Variants in KCNJ3 observed in about 807,000 individuals in gnomAD.
KCNJ3 encodes G protein-activated inward rectifier potassium channel 1.
In KCNJ3, 4 loss-of-function variants were observed where a neutral mutation model predicts 39.2. That is an observed-to-expected ratio of 0.10 (90% confidence interval 0.05 to 0.23). KCNJ3 has a LOEUF of 0.23. KCNJ3 is among the 10% of genes least tolerant of loss of function. The probability of loss-of-function intolerance (pLI) is 1.00; values close to 1 mark genes in which losing one functional copy is unlikely to be tolerated. For missense variants in KCNJ3, 276 were observed against 634.9 expected (o/e 0.43, Z 6.08); for synonymous variants, 230 against 237.4 (o/e 0.97, Z 0.29).
chr2:154,699,560 C>A lies in KCNJ3; in HGVS notation c.702+83C>A. On this transcript the variant is annotated intron_variant, in intron 1 of 2. Coordinates refer to ENST00000295101, the MANE Select transcript of KCNJ3 (RefSeq NM_002239.4). The surrounding 1 kb of genome is among the most constrained non-coding windows in gnomAD (Gnocchi z 6.4). ...TAACTCGTCTGAGAACCAGCCCGGG[C>A]CCCCTCCCCTGGTTCTACCTATAGC... is the stretch of plus-strand genomic sequence containing the variant. The A allele has an allele frequency of 7.4e-6, 11 of 1,479,970 alleles. 1 individual carries two copies. Among genetic ancestry groups the A allele is most frequent in the Non-Finnish European group, 9.8e-6 (11 of 1,116,898 alleles). The allele number at this position is 1,479,970 out of a possible 1,614,324, so 91.7% of individuals were successfully genotyped here. A position where few individuals can be genotyped will look rare whatever the true frequency, so the allele number is the denominator to read the frequency against.
chr2:154,809,834 A>G (rs954021082), intron 2 of KCNJ3, among the ~76,000 whole-genome samples: 1 of 152,124 alleles, frequency 6.6e-6, no homozygotes, highest in African/African-American at 2.4e-5. Flanking sequence ...ATTATAAAGA[A>G]ATAACATTGT....
chr2:154,787,473 A>G (rs1221561908), intron 2 of KCNJ3, among the ~76,000 whole-genome samples: 2 of 152,152 alleles, frequency 1.3e-5, no homozygotes, highest in Non-Finnish European at 2.9e-5. Context: ...CCACCACTAC[A>G]GCAATCATCA....
rs1558848901 is a variant in KCNJ3, at chr2:154,698,756, C to T, written c.-20C>T. ...CTGCGCCTTCGCTTCGCGTTTGAAT[C>T]TGGCTCGCCCCTTCGTATTATGTCT... is the stretch of plus-strand genomic sequence containing the variant. On this transcript the variant is annotated 5_prime_UTR_variant, in exon 1 of 3. Transcript: ENST00000295101. 7.2e-7 allele frequency: 1 copy of T among 1,392,104 alleles called. No individual in the cohort carries two copies. Among genetic ancestry groups the T allele is most frequent in the Admixed American group, 1.9e-5 (1 of 51,570 alleles). The allele number at this position is 1,392,104 out of a possible 1,614,324, so 86.2% of individuals were successfully genotyped here.
intron 2 of KCNJ3, among the ~76,000 whole-genome samples, chr2:154,823,044 G>T (rs186333100): frequency 4.6e-5 from 7 of 151,686 alleles, no homozygotes; most frequent in Non-Finnish European, 1.0e-4. Context: ...TAACATGAAG[G>T]ATATTCTTTT....
chr2:154,835,931 C>T (rs1316124188), intron 2 of KCNJ3, among the ~76,000 whole-genome samples: 1 of 152,134 alleles, frequency 6.6e-6, no homozygotes, highest in African/African-American at 2.4e-5. Context: ...TGCTTATAGA[C>T]AGATTATCTT....
At chr2:154,836,341 G>A (rs1687462643) in intron 2 of KCNJ3, among the ~76,000 whole-genome samples, 1 of 151,532 alleles carries the variant, frequency 6.6e-6, no homozygotes, top group Non-Finnish European at 1.5e-5. Flanking sequence ...TTCTGAAAAT[G>A]TCAATTTTAA....
chr2:154,726,559 T>C (rs1685361039), intron 2 of KCNJ3, among the ~76,000 whole-genome samples: 1 of 152,092 alleles, frequency 6.6e-6, no homozygotes, highest in Non-Finnish European at 1.5e-5. Flanking sequence ...TGGAGCTTCC[T>C]TAAAGAGCTA....
Position 154,843,936 on chromosome 2 carries a change from T to G in KCNJ3, c.920-10791T>G, listed in dbSNP as rs184360627. Among the ~76,000 whole-genome samples the G allele has an allele frequency of 3.5e-3, 527 of 152,378 alleles. 2 individuals are homozygous for G. Among genetic ancestry groups the G allele is most frequent in the Middle Eastern group, 6.8e-3 (2 of 294 alleles). ...TTGTTATTACCGGCCTTCTGAAGCC[T>G]ACTTCTGTCAACTCGTCAAAGTCGT... On this transcript the variant is annotated intron_variant, in intron 2 of 2. Transcript: ENST00000295101.
intron 2 of KCNJ3, among the ~76,000 whole-genome samples, chr2:154,744,940 C>A: frequency 6.6e-6 from 1 of 151,774 alleles, no homozygotes; most frequent in East Asian, 1.9e-4. Flanking sequence ...CATTTTAATG[C>A]AGTTTAAGGT....
chr2:154,753,853 A>G (rs573341932), intron 2 of KCNJ3, among the ~76,000 whole-genome samples: 3 of 152,308 alleles, frequency 2.0e-5, no homozygotes, highest in Admixed American at 1.3e-4. Flanking sequence ...TAGAAAACAT[A>G]TTATTTTGAA....
chr2:154,855,183 T>C lies in KCNJ3; in HGVS notation c.1376T>C (p.Leu459Ser). The C allele has an allele frequency of 6.2e-7, 1 of 1,613,918 alleles. No homozygotes were observed. The highest frequency in any genetic ancestry group is 1.1e-5 in the South Asian group (1 of 91,078). ...CTGGTATCTAAAACCACCAAGATGT[T>C]ATCTGATCCCATGAGCCAGTCTGTG... is the stretch of plus-strand genomic sequence containing the variant. ...EKLVSKTTKMLSDPMSQSVAD... is the reference protein window; with the variant it reads ...EKLVSKTTKMSSDPMSQSVAD... Residue 459 changes from leucine to serine, a missense_variant, in exon 3 of 3, where the codon TTA becomes TCA. Leu to Ser is a moderately radical substitution (Grantham distance 145). Transcript: ENST00000295101.
At chr2:154,725,621 A>G (rs925630256) in intron 2 of KCNJ3, among the ~76,000 whole-genome samples, 2 of 152,106 alleles carry the variant, frequency 1.3e-5, no homozygotes, top group East Asian at 1.9e-4. Context: ...ATTCTTATGG[A>G]ACCAAAAAAG....
At chr2:154,776,839 C>T (rs1047832921) in intron 2 of KCNJ3, among the ~76,000 whole-genome samples, 1 of 152,052 alleles carries the variant, frequency 6.6e-6, no homozygotes, top group Admixed American at 6.6e-5. Context: ...TTTTACATTT[C>T]TTCGCAATCC....
intron 2 of KCNJ3, among the ~76,000 whole-genome samples, chr2:154,763,631 G>C (rs1034198365): frequency 1.3e-5 from 2 of 152,108 alleles, no homozygotes; most frequent in Non-Finnish European, 1.5e-5. Flanking sequence ...ATCACTTGCA[G>C]AGTAGAGGAA....
At chr2:154,841,193 A>G (rs974982323) in intron 2 of KCNJ3, among the ~76,000 whole-genome samples, 2 of 152,132 alleles carry the variant, frequency 1.3e-5, no homozygotes, top group Non-Finnish European at 2.9e-5. Context: ...TGAGATAATC[A>G]TGTGGTTTTT....
intron 2 of KCNJ3, among the ~76,000 whole-genome samples, chr2:154,730,248 A>ACTCCAACTGG (rs1287123116): frequency 6.6e-6 from 1 of 151,942 alleles, no homozygotes; most frequent in Non-Finnish European, 1.5e-5. Flanking sequence ...CACCCCACTG[A>ACTCCAACTGG]CTCCAACTGG....
chr2:154,853,368 C>A (rs1246736893), intron 2 of KCNJ3, among the ~76,000 whole-genome samples: 1 of 151,986 alleles, frequency 6.6e-6, no homozygotes, highest in Admixed American at 6.6e-5. Flanking sequence ...TCCTAATTAT[C>A]TATATGTATT....
intron 2 of KCNJ3, among the ~76,000 whole-genome samples, chr2:154,768,351 A>G (rs1686172885): frequency 6.6e-6 from 1 of 152,138 alleles, no homozygotes; most frequent in South Asian, 2.1e-4. Flanking sequence ...CCCATCTTGA[A>G]TTAATTTTTG....
intron 2 of KCNJ3, among the ~76,000 whole-genome samples, chr2:154,849,048 G>C (rs1687712164): frequency 6.6e-6 from 1 of 152,122 alleles, no homozygotes; most frequent in African/African-American, 2.4e-5. Context: ...CTACTTGATA[G>C]AGAGATGAGA....
Sources: gnomAD v4.1 joint callset for allele counts (sites outside exome capture counted in the v4.1 genomes callset) on GRCh38, gnomAD v4.1.1 for gene constraint, Gnocchi (gnomAD v3.1) non-coding constraint, MANE v1.5 for transcripts, NCBI Gene and HGNC (gene_info 2026-07-23, HGNC 2026-07-21) for gene names.